The following ZNHIT6 variants were observed in gnomAD, a reference collection of about 807,000 sequenced individuals.
The protein encoded by ZNHIT6 is box C/D snoRNA protein 1.
Under a neutral mutation model 57.2 loss-of-function variants are expected in ZNHIT6, and 45 were observed. The ratio of observed to expected loss-of-function variants is 0.79; its 90% CI spans 0.62 to 1.01. The LOEUF (loss-of-function observed/expected upper bound fraction) is 1.01. ZNHIT6 is among the 50% of genes least tolerant of loss of function. The pLI, the probability that ZNHIT6 is intolerant of heterozygous loss-of-function variation, is 0.00. For missense variants in ZNHIT6, 528 were observed against 567.3 expected (o/e 0.93, Z 0.70); for synonymous variants, 188 against 190.0 (o/e 0.99, Z 0.09).
intron 4 of ZNHIT6, among the ~76,000 whole-genome samples, chr1:85,705,349 G>T (rs965776253): frequency 6.6e-6 from 1 of 151,960 alleles, no homozygotes; most frequent in African/African-American, 2.4e-5. Flanking sequence ...CAAGTTGCTG[G>T]GAGTACAGGG....
At chr1:85,695,654 T>C (rs1662346750) in intron 5 of ZNHIT6, among the ~76,000 whole-genome samples, 1 of 152,208 alleles carries the variant, frequency 6.6e-6, no homozygotes, top group African/African-American at 2.4e-5. Context: ...TTAAAGAAAG[T>C]TCAGCAAGAT....
intron 1 of ZNHIT6, 41 bp from the exon 2 acceptor site, chr1:85,706,548 A>G (rs79471662): frequency 0.012 from 17,326 of 1,452,890 alleles, 143 homozygotes; most frequent in Non-Finnish European, 0.014. Flanking sequence ...TCAAATATTA[A>G]TTGTATTTAT....
At chr1:85,694,468 C>CTTT (rs67553129) in intron 5 of ZNHIT6, among the ~76,000 whole-genome samples, 2 of 148,590 alleles carry the variant, frequency 1.3e-5, no homozygotes, top group African/African-American at 2.5e-5. Context: ...TTTCGTTTTT[C>CTTT]TTTTTTTTTT....
At chr1:85,702,449 T>G (rs1205065032) in intron 4 of ZNHIT6, among the ~76,000 whole-genome samples, 189 bp from the exon 5 acceptor site, 3 of 152,170 alleles carry the variant, frequency 2.0e-5, no homozygotes, top group African/African-American at 7.2e-5. Context: ...ATTTTAGCAA[T>G]AAAAATTAGT....
chr1:85,694,462 G>A (rs893049823), intron 5 of ZNHIT6, among the ~76,000 whole-genome samples: 4 of 77,852 alleles, frequency 5.1e-5, no homozygotes, highest in East Asian at 4.1e-4. Flanking sequence ...CAAATTTTTC[G>A]TTTTTCTTTT....
At chr1:85,706,577 C>A in intron 1 of ZNHIT6, 70 bp from the exon 2 acceptor site, 1 of 1,334,416 alleles carries the variant, frequency 7.5e-7, no homozygotes, top group Non-Finnish European at 1.0e-6. Flanking sequence ...TTAGAATTCC[C>A]AATCAATTTA....
chr1:85,679,545 G>C (rs1661802776), intron 6 of ZNHIT6, among the ~76,000 whole-genome samples: 1 of 144,584 alleles, frequency 6.9e-6, no homozygotes, highest in Non-Finnish European at 1.5e-5. Flanking sequence ...GAATGAAATA[G>C]TTCACAAACA....
chr1:85,707,775 T>G lies in ZNHIT6; in HGVS notation c.510A>C (p.Gln170His), dbSNP rs779773889. 7 of 1,614,100 alleles carry G rather than the reference T, an allele frequency of 4.3e-6. No homozygotes were observed. The highest frequency in any genetic ancestry group is 1.3e-5 in the African/African-American group (1 of 74,936). ...CATGCATCAATTCCTCTTTTATGCATTGACCAACAAACTTCTCCTCCTGTT... is the reference window on the plus strand; with the variant it reads ...CATGCATCAATTCCTCTTTTATGCAGTGACCAACAAACTTCTCCTCCTGTT... ...EIKQEEKFVGQCIKEELMHGE... is the reference protein window; with the variant it reads ...EIKQEEKFVGHCIKEELMHGE... Residue 170 changes from glutamine to histidine, a missense_variant, in exon 1 of 10, where the codon CAA (glutamine) becomes CAC (histidine). By Grantham distance (24) the Gln-to-His change is conservative. Transcript: ENST00000370574.
chr1:85,694,405 G>A (rs950281413), intron 5 of ZNHIT6, among the ~76,000 whole-genome samples: 6 of 152,150 alleles, frequency 3.9e-5, no homozygotes, highest in Non-Finnish European at 8.8e-5. Context: ...CAGAATTTAG[G>A]TGATGGATAT....
intron 1 of ZNHIT6, 125 bp downstream of exon 1, chr1:85,707,504 T>A: frequency 8.8e-7 from 1 of 1,138,176 alleles, no homozygotes; most frequent in Non-Finnish European, 1.2e-6. Context: ...GCCGTCTGAC[T>A]CCAGAAACCC....
chr1:85,699,324 G>A (rs1228168598), intron 5 of ZNHIT6, among the ~76,000 whole-genome samples: 1 of 151,976 alleles, frequency 6.6e-6, no homozygotes, highest in Non-Finnish European at 1.5e-5. Context: ...TCCTCTTAAA[G>A]GTGAAGTATA....
chr1:85,683,913 C>G (rs1553157136), intron 5 of ZNHIT6, among the ~76,000 whole-genome samples: 1 of 152,002 alleles, frequency 6.6e-6, no homozygotes, highest in Non-Finnish European at 1.5e-5. Context: ...GATGAGTGTT[C>G]CACTAGGAAC....
intron 5 of ZNHIT6, among the ~76,000 whole-genome samples, chr1:85,685,566 A>G (rs904106970): frequency 2.0e-5 from 3 of 152,170 alleles, no homozygotes; most frequent in Admixed American, 6.5e-5. Context: ...TCTTCCACAT[A>G]ATGATTTGTG....
chr1:85,667,603 G>A (rs1238235439), intron 8 of ZNHIT6, among the ~76,000 whole-genome samples: 2 of 145,520 alleles, frequency 1.4e-5, no homozygotes, highest in Non-Finnish European at 3.0e-5. Context: ...AAATATCATG[G>A]TAATTTAACA....
intron 4 of ZNHIT6, among the ~76,000 whole-genome samples, chr1:85,704,093 T>G (rs183721310): frequency 6.6e-6 from 1 of 152,126 alleles, no homozygotes; most frequent in Non-Finnish European, 1.5e-5. Flanking sequence ...AGCCAACAGA[T>G]TGACAAAAAT....
At chr1:85,656,743 T>C (rs1025739378) in intron 9 of ZNHIT6, among the ~76,000 whole-genome samples, 1 of 152,176 alleles carries the variant, frequency 6.6e-6, no homozygotes, top group African/African-American at 2.4e-5. Context: ...CATAATTTAT[T>C]ATTAGAAACA....
chr1:85,686,838 C>T (rs745433035), intron 5 of ZNHIT6, among the ~76,000 whole-genome samples: 2 of 152,056 alleles, frequency 1.3e-5, no homozygotes, highest in Non-Finnish European at 2.9e-5. Context: ...GTGGACTTTG[C>T]GTTTGAATCC....
At position 85,653,995 on chromosome 1, in the gene ZNHIT6, C is replaced by G. The variant is rs1226259495; in HGVS notation, c.*63G>C. 7.1e-7 allele frequency: 1 copy of G among 1,408,812 alleles called. No individual in the cohort carries two copies. The highest frequency in any genetic ancestry group is 1.0e-6 in the Non-Finnish European group (1 of 1,004,236). 87.3% of individuals were successfully genotyped at this position (1,408,812 alleles called of 1,614,324 possible). A position where few individuals can be genotyped will look rare whatever the true frequency, so the allele number is the denominator to read the frequency against. On this transcript the variant is annotated 3_prime_UTR_variant, in exon 10 of 10. Transcript: ENST00000370574. The stretch of plus-strand genomic sequence containing the variant: ...ACAATACCCCAATCAGCCAACAGCC[C>G]ATCAATGCAGAGTCTGCTGCAGTTG...
At chr1:85,673,383 A>G (rs1661617638) in intron 8 of ZNHIT6, among the ~76,000 whole-genome samples, 1 of 152,244 alleles carries the variant, frequency 6.6e-6, no homozygotes, top group South Asian at 2.1e-4. Context: ...CATACATTCT[A>G]GGATCGCAAT....
Sources: gnomAD v4.1 joint callset for allele counts (sites outside exome capture counted in the v4.1 genomes callset) on GRCh38, gnomAD v4.1.1 for gene constraint, MANE v1.5 for transcripts, NCBI Gene and HGNC (gene_info 2026-07-23, HGNC 2026-07-21) for gene names.